Variants in CNTNAP4 observed in about 807,000 individuals in gnomAD.
CNTNAP4 encodes contactin associated protein family member 4.
CNTNAP4 carries 98 observed loss-of-function variants against 148.4 expected under a neutral mutation model. That is an observed-to-expected ratio of 0.66 (90% CI 0.56 to 0.78). The LOEUF (loss-of-function observed/expected upper bound fraction) is 0.78. Ranked by LOEUF, CNTNAP4 falls within the 30% of genes least tolerant of loss-of-function variation. The probability of loss-of-function intolerance (pLI) is 0.00; values close to 1 mark genes in which losing one functional copy is unlikely to be tolerated. For missense variants in CNTNAP4, 1,935 were observed against 1,565.6 expected, an observed-to-expected ratio of 1.24 and a Z score of -3.98; for synonymous variants, 730 against 565.1, an observed-to-expected ratio of 1.29 and a Z score of -4.14.
In CNTNAP4 at chr16:76,494,947, T is replaced by A; in HGVS notation, c.2118T>A (p.Asn706Lys). The A allele has an allele frequency of 1.2e-6, 2 of 1,613,560 alleles. No homozygotes were observed. The highest frequency in any genetic ancestry group is 1.7e-6 in the Non-Finnish European group (2 of 1,179,604). The change falls in exon 14 of 24, where the codon AAT becomes AAA. Residue 706 changes from asparagine (N) to lysine (K), a missense_variant. Coordinates refer to ENST00000611870, the MANE Select transcript of CNTNAP4 (RefSeq NM_033401.5). ...TPLSWWVGRT[N>K]ETQTYWGGSS... ...TGAGTTGGTGGGTAGGAAGAACCAA[T>A]GAAACGCAAACCTACTGGGGAGGTT...
At chr16:76,458,576 C>G (rs549460476) in intron 8 of CNTNAP4, among the ~76,000 whole-genome samples, 1 of 152,112 alleles carries the variant, frequency 6.6e-6, no homozygotes, top group Non-Finnish European at 1.5e-5. Context: ...ACCTAGATCC[C>G]TCGCATGTGC....
chr16:76,308,960 G>A (rs1048490843), intron 1 of CNTNAP4, among the ~76,000 whole-genome samples: 1 of 151,716 alleles, frequency 6.6e-6, no homozygotes, highest in African/African-American at 2.4e-5. Flanking sequence ...GAGTAGCTAG[G>A]ATTCCAGGCT....
chr16:76,452,821 ATC>A (rs1330742015), intron 8 of CNTNAP4, 52 bp downstream of exon 8: 1 of 1,456,492 alleles, frequency 6.9e-7, no homozygotes, highest in Admixed American at 2.8e-5. Flanking sequence ...AGATTTCATT[ATC>A]TCTGTGGCCA....
At chr16:76,418,690 T>C (rs2079074171) in intron 3 of CNTNAP4, among the ~76,000 whole-genome samples, 1 of 150,986 alleles carries the variant, frequency 6.6e-6, no homozygotes. Flanking sequence ...CATATTTGAG[T>C]CTTGTTCTGA....
chr16:76,382,320 A>C (rs1420313227), intron 3 of CNTNAP4, among the ~76,000 whole-genome samples: 1 of 152,124 alleles, frequency 6.6e-6, no homozygotes, highest in Non-Finnish European at 1.5e-5. Flanking sequence ...AAATACATAG[A>C]AAGGAATTAT....
intron 8 of CNTNAP4, among the ~76,000 whole-genome samples, chr16:76,460,962 A>C (rs1034160824): frequency 1.8e-4 from 28 of 151,522 alleles, no homozygotes; most frequent in African/African-American, 5.8e-4. Context: ...TCAATCAGTC[A>C]ATACATAATC....
At chr16:76,533,653 A>G (rs756497250) in intron 17 of CNTNAP4, among the ~76,000 whole-genome samples, 4 of 147,328 alleles carry the variant, frequency 2.7e-5, no homozygotes, top group Non-Finnish European at 6.0e-5. Flanking sequence ...AAACAACTCA[A>G]TTGGGCACCC....
At chr16:76,294,284 C>G (rs1422665399) in intron 1 of CNTNAP4, among the ~76,000 whole-genome samples, 3 of 152,132 alleles carry the variant, frequency 2.0e-5, no homozygotes, top group Non-Finnish European at 4.4e-5. Flanking sequence ...AGTATGGATT[C>G]CTGATCTAAT....
In CNTNAP4 at chr16:76,376,410, C is replaced by T. The variant is rs116447770; in HGVS notation, c.390+20899C>T. Reference sequence around the variant, plus strand: ...GCGTATGTGATGGAGTGAGAGGATTCAAATCACAGTTGGCTTGGAAGAGAC... The same window carrying T: ...GCGTATGTGATGGAGTGAGAGGATTTAAATCACAGTTGGCTTGGAAGAGAC... On this transcript the variant is annotated intron_variant, in intron 3 of 23. Transcript: ENST00000611870. Among the ~76,000 whole-genome samples, 1,069 of 152,102 alleles carry T rather than the reference C, an allele frequency of 7.0e-3. 12 individuals carry two copies. The highest frequency in any genetic ancestry group is 0.025 in the African/African-American group (1,018 of 41,490).
chr16:76,448,239 C>T (rs751590656), intron 5 of CNTNAP4, 24 bp downstream of exon 5: 2 of 1,516,080 alleles, frequency 1.3e-6, no homozygotes, highest in South Asian at 2.3e-5. Flanking sequence ...GTGAAGTGCT[C>T]AAAAATCTGA....
At chr16:76,358,384 A>G (rs1317365231) in intron 3 of CNTNAP4, among the ~76,000 whole-genome samples, 1 of 152,220 alleles carries the variant, frequency 6.6e-6, no homozygotes, top group Non-Finnish European at 1.5e-5. Context: ...GATAAGGCAT[A>G]TCAGAGCAAA....
At position 76,553,771 on chromosome 16, in the gene CNTNAP4, GT is replaced by G. The variant is rs2085071852; in HGVS notation, c.3662-61del. On this transcript the variant is annotated intron_variant, in intron 22 of 23. Transcript: ENST00000611870. Reference sequence around the variant, plus strand: ...CTCTGTGGTTTAAAACATTTATGATGTTTTCAAAATTTCTTCTTTTACTTGC... The same window carrying G: ...CTCTGTGGTTTAAAACATTTATGATGTTTCAAAATTTCTTCTTTTACTTGC... The G allele has an allele frequency of 2.9e-6, 3 of 1,020,898 alleles. No individual in the cohort carries two copies. In the Admixed American group the frequency reaches 6.3e-5, roughly 22 times the overall value. The allele number at this position is 1,020,898 out of a possible 1,614,324, so 63.2% of individuals were successfully genotyped here. A position where few individuals can be genotyped will look rare whatever the true frequency, so the allele number is the denominator to read the frequency against.
At chr16:76,489,923 A>G in intron 13 of CNTNAP4, 40 bp downstream of exon 13, 1 of 1,316,428 alleles carries the variant, frequency 7.6e-7, no homozygotes, top group Non-Finnish European at 1.0e-6. Flanking sequence ...CACACATCAC[A>G]TCATGCACTT....
At chr16:76,531,790 A>C (rs1371638461) in intron 17 of CNTNAP4, among the ~76,000 whole-genome samples, 1 of 152,182 alleles carries the variant, frequency 6.6e-6, no homozygotes, top group Non-Finnish European at 1.5e-5. Flanking sequence ...AAAAATTCTA[A>C]ATACATGTAT....
chr16:76,438,407 T>C (rs1290921962), intron 4 of CNTNAP4, among the ~76,000 whole-genome samples: 1 of 152,110 alleles, frequency 6.6e-6, no homozygotes, highest in African/African-American at 2.4e-5. Context: ...GTTAAACACC[T>C]TGGAGTTTTA....
At chr16:76,530,565 T>G (rs956664564) in intron 17 of CNTNAP4, among the ~76,000 whole-genome samples, 1 of 152,152 alleles carries the variant, frequency 6.6e-6, no homozygotes, top group African/African-American at 2.4e-5. Context: ...CGCTCTGGCT[T>G]CAGTGTGTGC....
chr16:76,499,130 CG>C (rs1568414090), intron 15 of CNTNAP4, among the ~76,000 whole-genome samples: 1 of 146,852 alleles, frequency 6.8e-6, no homozygotes, highest in Non-Finnish European at 1.5e-5. Flanking sequence ...TGCAGTGGCG[CG>C]ATGTTGGCTC....
At chr16:76,547,116 C>T (rs946676472) in intron 21 of CNTNAP4, among the ~76,000 whole-genome samples, 2 of 152,134 alleles carry the variant, frequency 1.3e-5, no homozygotes, top group African/African-American at 2.4e-5. Flanking sequence ...GCCGAAGTGA[C>T]TGACTTGTCA....
intron 3 of CNTNAP4, among the ~76,000 whole-genome samples, chr16:76,356,668 TG>T (rs2012692517): frequency 1.3e-5 from 2 of 152,202 alleles, no homozygotes; most frequent in Non-Finnish European, 2.9e-5. Flanking sequence ...GCTGAGTTGC[TG>T]GAACTAGAGA....
Sources: allele counts gnomAD v4.1 joint callset (sites outside exome capture counted in the v4.1 genomes callset), GRCh38; gene constraint gnomAD v4.1.1; transcripts MANE v1.5; gene names NCBI Gene and HGNC (gene_info 2026-07-23, HGNC 2026-07-21).